TRPM1: variants seen among roughly 807,000 people sequenced by gnomAD.
The protein encoded by TRPM1 is TRPM1-203 APA Isoform, Intron 10.
In TRPM1, 113 loss-of-function variants were observed where a neutral mutation model predicts 149.4. The ratio of observed to expected loss-of-function variants is 0.76; its 90% CI spans 0.65 to 0.88. The LOEUF (loss-of-function observed/expected upper bound fraction) is 0.88. Among genes scored for constraint, TRPM1 ranks in the 40% least tolerant of loss-of-function variants. The pLI, the probability that TRPM1 is intolerant of heterozygous loss-of-function variation, is 0.00. For synonymous variants in TRPM1, 741 were observed against 759.5 expected (o/e 0.98, Z 0.40); for missense variants, 1,976 against 2,038.7 (o/e 0.97, Z 0.59).
chr15:31,043,965 T>G (rs2033692686), intron 16 of TRPM1, among the ~76,000 whole-genome samples: 1 of 152,026 alleles, frequency 6.6e-6, no homozygotes, highest in African/African-American at 2.4e-5. Context: ...AAGGAAAAAT[T>G]GACATATTAC....
chr15:31,148,433 C>A (rs554898993), intron 1 of TRPM1, among the ~76,000 whole-genome samples: 1 of 152,276 alleles, frequency 6.6e-6, no homozygotes, highest in African/African-American at 2.4e-5. Context: ...AACGCTCCAT[C>A]CTGATTATGT....
intron 1 of TRPM1, among the ~76,000 whole-genome samples, chr15:31,157,710 C>T (rs1479934689): frequency 6.6e-6 from 1 of 152,112 alleles, no homozygotes; most frequent in Non-Finnish European, 1.5e-5. Flanking sequence ...GGGATTTGCT[C>T]ACTGCCTCAG....
Position 31,088,832 on chromosome 15 carries a change from C to G in TRPM1, c.-83-7394G>C, listed in dbSNP as rs531828942. Among the ~76,000 whole-genome samples the G allele has an allele frequency of 1.4e-4, 21 of 150,892 alleles. No individual in the cohort carries two copies. In the South Asian group the frequency reaches 3.4e-3, roughly 24 times the overall value. On this transcript the variant is annotated intron_variant, in intron 1 of 27. Transcript: ENST00000256552. ...GGATGCGTCAGAGGAGGCCTTTGTA[C>G]CGGGGCGATGCGATAAGCCCTGCTG...
intron 11 of TRPM1, among the ~76,000 whole-genome samples, chr15:31,053,113 A>G (rs2033990571): frequency 6.6e-6 from 1 of 152,224 alleles, no homozygotes; most frequent in African/African-American, 2.4e-5. Context: ...AGAGACTTGA[A>G]TAGACATTTC....
intron 1 of TRPM1, among the ~76,000 whole-genome samples, chr15:31,087,231 AT>A (rs58872566): frequency 0.046 from 2,733 of 59,122 alleles, 1 homozygote; most frequent in African/African-American, 0.13. Context: ...CTCAATAGGG[AT>A]TTTTTTTTTT....
At chr15:31,054,595 T>C (rs1359180134) in intron 11 of TRPM1, among the ~76,000 whole-genome samples, 1 of 152,186 alleles carries the variant, frequency 6.6e-6, no homozygotes, top group Non-Finnish European at 1.5e-5. Flanking sequence ...GTGCCTGGCC[T>C]CTTCGTTATG....
intron 18 of TRPM1, among the ~76,000 whole-genome samples, chr15:31,039,770 C>G (rs900694028): frequency 1.3e-5 from 2 of 152,218 alleles, no homozygotes; most frequent in African/African-American, 4.8e-5. Flanking sequence ...GGTGGGTAGA[C>G]GACCCAACCA....
At chr15:31,113,286 T>C (rs1336296472) in intron 1 of TRPM1, among the ~76,000 whole-genome samples, 3 of 152,098 alleles carry the variant, frequency 2.0e-5, no homozygotes, top group African/African-American at 4.8e-5. Flanking sequence ...TGCCTGCTCC[T>C]CCCTAACTCT....
intron 11 of TRPM1, among the ~76,000 whole-genome samples, chr15:31,055,152 C>G (rs2034049724): frequency 6.6e-6 from 1 of 152,268 alleles, no homozygotes; most frequent in Non-Finnish European, 1.5e-5. Flanking sequence ...ACAGGCACAT[C>G]CTTTCTTGAG....
intron 1 of TRPM1, among the ~76,000 whole-genome samples, chr15:31,134,482 C>T (rs561416633): frequency 6.6e-6 from 1 of 152,320 alleles, no homozygotes; most frequent in African/African-American, 2.4e-5. Context: ...GTAAAGGTGT[C>T]TGCCTCTCTG....
intron 1 of TRPM1, among the ~76,000 whole-genome samples, chr15:31,096,881 G>C (rs2035397146): frequency 6.6e-6 from 1 of 152,188 alleles, no homozygotes; most frequent in African/African-American, 2.4e-5. Flanking sequence ...TGGCCCTCAG[G>C]GACTGTGATG....
intron 3 of TRPM1, among the ~76,000 whole-genome samples, chr15:31,072,712 CTTCT>C (rs2034592694): frequency 6.6e-6 from 1 of 152,062 alleles, no homozygotes; most frequent in South Asian, 2.1e-4. Flanking sequence ...TCTAGTCTTC[CTTCT>C]GAGTGTGAAG....
intron 3 of TRPM1, 55 bp downstream of exon 3, chr15:31,076,850 T>C: frequency 3.7e-6 from 5 of 1,335,558 alleles, no homozygotes; most frequent in Non-Finnish European, 5.4e-6. Flanking sequence ...AACATGAGAA[T>C]AGTGGCAGAC....
chr15:31,159,119 C>T, intron 1 of TRPM1, among the ~76,000 whole-genome samples: 1 of 152,020 alleles, frequency 6.6e-6, no homozygotes, highest in South Asian at 2.1e-4. Flanking sequence ...CGTCCTTGGG[C>T]TTGAAGTAAT....
intron 21 of TRPM1, among the ~76,000 whole-genome samples, chr15:31,034,379 T>C (rs933639947): frequency 2.0e-5 from 3 of 152,226 alleles, no homozygotes; most frequent in Non-Finnish European, 4.4e-5. Context: ...CCTGGAGCTT[T>C]TCCCCAGGTG....
rs758321026 is a variant in TRPM1, at chr15:31,040,391, A to T, written c.2088-45T>A. 5 of 1,552,674 alleles carry T rather than the reference A, an allele frequency of 3.2e-6. No individual in the cohort carries two copies. The highest frequency in any genetic ancestry group is 4.4e-6 in the Non-Finnish European group (5 of 1,124,902). On this transcript the variant is annotated intron_variant, in intron 17 of 27. Transcript: ENST00000256552. The surrounding 1 kb of genome is among the most constrained non-coding windows in gnomAD (Gnocchi z 4.2). ...ACCAGGGTGAAGCCACAGTGGCCGC[A>T]AGCTGTTTCTTAGACAGGCATATCC...
intron 1 of TRPM1, among the ~76,000 whole-genome samples, chr15:31,109,257 C>G (rs1323789035): frequency 2.2e-5 from 3 of 134,478 alleles, no homozygotes; most frequent in East Asian, 2.1e-4. Context: ...TCACTTGAAC[C>G]TGGGAAGCAG....
chr15:31,117,998 C>T (rs988987692), intron 1 of TRPM1, among the ~76,000 whole-genome samples: 4 of 152,094 alleles, frequency 2.6e-5, no homozygotes, highest in Non-Finnish European at 4.4e-5. Context: ...CAGTGGCTCA[C>T]GCCTGTAATC....
chr15:31,159,171 A>G lies in TRPM1; in HGVS notation c.54+1735T>C, dbSNP rs901811116. 4.7e-4 allele frequency among the ~76,000 whole-genome samples: 71 copies of G among 152,248 alleles called. 1 individual carries two copies. The highest frequency in any genetic ancestry group is 1.7e-3 in the African/African-American group (70 of 41,536). On this transcript the variant is annotated intron_variant, in intron 1 of 26. Coordinates refer to the TRPM1 transcript ENST00000542188. ...TAGGAATGGCTGTGCGTGTGCGGGT[A>G]TAAAGGAGGTGCTGTTTTTCAGTCT...
Sources: allele counts gnomAD v4.1 joint callset (sites outside exome capture counted in the v4.1 genomes callset), GRCh38; gene constraint gnomAD v4.1.1; non-coding constraint Gnocchi (gnomAD v3.1); transcripts MANE v1.5; gene names NCBI Gene and HGNC (gene_info 2026-07-23, HGNC 2026-07-21).